The following LUC7L2 variants were observed in gnomAD, a reference collection of about 807,000 sequenced individuals.
LUC7L2 encodes the protein putative RNA-binding protein Luc7-like 2.
Under a neutral mutation model 52.8 loss-of-function variants are expected in LUC7L2, and 25 were observed. The ratio of observed to expected loss-of-function variants is 0.47; its 90% CI spans 0.34 to 0.66. LUC7L2 has a LOEUF of 0.66. Ranked by LOEUF, LUC7L2 falls within the 30% of genes least tolerant of loss-of-function variation. The probability of loss-of-function intolerance (pLI) is 0.01; values close to 1 mark genes in which losing one functional copy is unlikely to be tolerated. For synonymous variants in LUC7L2, 144 were observed against 160.9 expected (o/e 0.89, Z 0.80); for missense variants, 328 against 497.8 (o/e 0.66, Z 3.25).
intron 8 of LUC7L2, among the ~76,000 whole-genome samples, chr7:139,413,409 C>T (rs1795454500): frequency 6.6e-6 from 1 of 152,064 alleles, no homozygotes; most frequent in Non-Finnish European, 1.5e-5. Flanking sequence ...CTTTTAGAAA[C>T]TTTCTGAGTT....
intron 3 of LUC7L2, among the ~76,000 whole-genome samples, chr7:139,400,708 CTACT>C (rs1447347244): frequency 6.6e-6 from 1 of 152,172 alleles, no homozygotes; most frequent in Non-Finnish European, 1.5e-5. Flanking sequence ...CCCCACATAG[CTACT>C]TAGTCACCCA....
At chr7:139,400,348 A>C (rs1046156668) in intron 3 of LUC7L2, among the ~76,000 whole-genome samples, 1 of 152,018 alleles carries the variant, frequency 6.6e-6, no homozygotes, top group Non-Finnish European at 1.5e-5. Context: ...ATCTCTACTA[A>C]AAATACAAAA....
intron 1 of LUC7L2, chr7:139,374,885 A>G: frequency 1.0e-6 from 1 of 994,782 alleles, no homozygotes; most frequent in South Asian, 4.5e-5. Context: ...TACATGTGAA[A>G]ATACAGAAAC....
chr7:139,360,388 A>G, intron 1 of LUC7L2, 66 bp downstream of exon 1: 1 of 1,480,630 alleles, frequency 6.8e-7, no homozygotes, highest in South Asian at 1.2e-5. Flanking sequence ...AGGGGTTCCG[A>G]GGGCGCACCT....
At chr7:139,371,916 C>G (rs1224644935) in intron 1 of LUC7L2, among the ~76,000 whole-genome samples, 1 of 152,036 alleles carries the variant, frequency 6.6e-6, no homozygotes, top group Admixed American at 6.5e-5. Flanking sequence ...ATACTTGTGA[C>G]TCAGGTGTTC....
At chr7:139,375,576 C>T (rs1421872415) in intron 1 of LUC7L2, 4 of 985,386 alleles carry the variant, frequency 4.1e-6, no homozygotes, top group Non-Finnish European at 4.8e-6. Context: ...AGTGGGGATT[C>T]GCAGTGTGTA....
chr7:139,402,316 G>T, intron 4 of LUC7L2, 69 bp downstream of exon 4: 1 of 1,391,944 alleles, frequency 7.2e-7, no homozygotes, highest in South Asian at 1.5e-5. Context: ...TTTTTATTTT[G>T]AAATAATTAG....
chr7:139,411,241 A>C (rs1795347643), intron 7 of LUC7L2, among the ~76,000 whole-genome samples: 1 of 152,192 alleles, frequency 6.6e-6, no homozygotes, highest in Non-Finnish European at 1.5e-5. Context: ...ATATAATGCA[A>C]ATTTCAGAAA....
At chr7:139,409,355 T>G (rs1193109307) in intron 6 of LUC7L2, among the ~76,000 whole-genome samples, 3 of 151,608 alleles carry the variant, frequency 2.0e-5, no homozygotes, top group East Asian at 1.9e-4. Flanking sequence ...AAGGTGAAAT[T>G]TTACACATTT....
intron 1 of LUC7L2, among the ~76,000 whole-genome samples, chr7:139,362,685 G>A (rs374718571): frequency 1.3e-5 from 2 of 151,132 alleles, no homozygotes; most frequent in African/African-American, 2.4e-5. Context: ...TTGGAAGTGG[G>A]GTTCAAGGTG....
At chr7:139,413,084 C>T (rs1216289676) in intron 8 of LUC7L2, among the ~76,000 whole-genome samples, 2 of 152,098 alleles carry the variant, frequency 1.3e-5, no homozygotes. Flanking sequence ...ATTACCCATT[C>T]CTTTATACAG....
chr7:139,399,085 A>G (rs1794784272), intron 3 of LUC7L2, among the ~76,000 whole-genome samples: 1 of 148,402 alleles, frequency 6.7e-6, no homozygotes, highest in Non-Finnish European at 1.5e-5. Flanking sequence ...ATATATATAC[A>G]TGTATATATA....
rs555407640 is a variant in LUC7L2 at position 139,388,968 on chromosome 7, ATCTG to A, written c.157-9626_157-9623del. 4.4e-4 allele frequency among the ~76,000 whole-genome samples: 67 copies of A among 151,990 alleles called. 1 individual carries two copies. Among genetic ancestry groups the A allele is most frequent in the South Asian group, 2.1e-3 (10 of 4,816 alleles). ...AGCTTATGATCTTAGGCAAATATTG[ATCTG>A]TCTGAGTCTTGATTTCCATATTTGT... On this transcript the variant is annotated intron_variant, in intron 2 of 9. Transcript: ENST00000354926.
At chr7:139,399,777 G>A (rs940380351) in intron 3 of LUC7L2, among the ~76,000 whole-genome samples, 4 of 152,008 alleles carry the variant, frequency 2.6e-5, no homozygotes, top group Non-Finnish European at 4.4e-5. Context: ...CCGTTTGGGG[G>A]ATATTAAGGA....
chr7:139,377,329 G>C (rs977921561), intron 2 of LUC7L2, among the ~76,000 whole-genome samples: 16 of 150,562 alleles, frequency 1.1e-4, no homozygotes, highest in Non-Finnish European at 1.2e-4. Flanking sequence ...CTCAGCCTCC[G>C]GTGTAGCTGG....
At chr7:139,351,953 GGGA>G (rs1249530305) in intron 1 of LUC7L2, among the ~76,000 whole-genome samples, 1 of 152,196 alleles carries the variant, frequency 6.6e-6, no homozygotes, top group African/African-American at 2.4e-5. Context: ...CCAGCACAGT[GGGA>G]GGCCTGGATG....
At chr7:139,340,627 G>A (rs995774923) in intron 1 of LUC7L2, 18 of 396,764 alleles carry the variant, frequency 4.5e-5, no homozygotes, top group African/African-American at 1.9e-4. Flanking sequence ...AGGGTAAGGC[G>A]AAAATGAAGT....
chr7:139,410,386 T>G (rs937599999), intron 7 of LUC7L2, among the ~76,000 whole-genome samples: 1 of 152,170 alleles, frequency 6.6e-6, no homozygotes, highest in Non-Finnish European at 1.5e-5. Context: ...CTTTGGTTAG[T>G]TCCTCAATTC....
chr7:139,353,880 C>T (rs1457225163), intron 1 of LUC7L2, among the ~76,000 whole-genome samples: 1 of 151,898 alleles, frequency 6.6e-6, no homozygotes, highest in Non-Finnish European at 1.5e-5. Context: ...TTTGAGAGGT[C>T]GAGGCAGGCG....
Sources: gnomAD v4.1 joint callset for allele counts (sites outside exome capture counted in the v4.1 genomes callset) on GRCh38, gnomAD v4.1.1 for gene constraint, MANE v1.5 for transcripts, NCBI Gene and HGNC (gene_info 2026-07-23, HGNC 2026-07-21) for gene names.